The following OSMR variants were observed in gnomAD, a reference collection of about 807,000 sequenced individuals.
The protein encoded by OSMR is oncostatin M receptor.
OSMR carries 81 observed loss-of-function variants against 99.9 expected under a neutral mutation model. The observed-to-expected ratio is 0.81, with a 90% CI of 0.68 to 0.97. The LOEUF (loss-of-function observed/expected upper bound fraction) is 0.97, where lower values mean the gene tolerates loss of function less well. Among genes scored for constraint, OSMR ranks in the 50% least tolerant of loss-of-function variants. The pLI, the probability that OSMR is intolerant of heterozygous loss-of-function variation, is 0.00. For synonymous variants in OSMR, 406 were observed against 410.4 expected (o/e 0.99, Z 0.13); for missense variants, 1,099 against 1,153.4 (o/e 0.95, Z 0.68).
At position 38,873,359 on chromosome 5, in the gene OSMR, C is replaced by A. The variant is rs1579672324; in HGVS notation, c.74-2842C>A. Among the ~76,000 whole-genome samples the A allele has an allele frequency of 2.6e-5, 4 of 152,192 alleles. 1 individual carries two copies. In the South Asian group the frequency reaches 8.3e-4, roughly 32 times the overall value. Reference sequence around the variant, plus strand: ...CCACTGATGAAAGTTTCAGTTGTTTCCACCTCTTGGCTATTGTGAATAACG... The same window carrying A: ...CCACTGATGAAAGTTTCAGTTGTTTACACCTCTTGGCTATTGTGAATAACG... On this transcript the variant is annotated intron_variant, in intron 2 of 17. Coordinates refer to ENST00000274276, the MANE Select transcript of OSMR (RefSeq NM_003999.3).
At position 38,921,659 on chromosome 5, in the gene OSMR, T is replaced by A. The variant is rs1366320094; in HGVS notation, c.1630T>A (p.Ser544Thr). Residue 544 changes from serine to threonine, a missense_variant, in exon 12 of 18, where the codon TCT (serine) becomes ACT (threonine). Coordinates refer to ENST00000274276, the MANE Select transcript of OSMR (RefSeq NM_003999.3). ...ERIAGTEGGF[S>T]LSWKPQPGDV... is the part of the protein sequence containing the mutation. ...AATTGCAGGCACAGAGGGTGGATTC[T>A]CTCTGTCTTGGAAACCCCAACCTGG... The A allele has an allele frequency of 6.2e-7, 1 of 1,613,966 alleles. No homozygotes were observed. The highest frequency in any genetic ancestry group is 2.2e-5 in the East Asian group (1 of 44,900).
At chr5:38,930,930 G>A (rs1342536199) in intron 15 of OSMR, among the ~76,000 whole-genome samples, 1 of 69,090 alleles carries the variant, frequency 1.4e-5, no homozygotes, top group Non-Finnish European at 4.1e-5. Flanking sequence ...TTGTGTGTGT[G>A]TGTGTGTGTG....
chr5:38,869,023 C>G lies in OSMR; in HGVS notation c.-13-9C>G. 6.2e-7 allele frequency: 1 copy of G among 1,612,340 alleles called. No individual in the cohort carries two copies. Among genetic ancestry groups the G allele is most frequent in the African/African-American group, 1.3e-5 (1 of 74,952 alleles). ...TAAAATTTTCCTTCTTATAATTTAT[C>G]TTTTTCAGAAAACCAGAACTGATGG... On this transcript the variant is annotated splice_polypyrimidine_tract_variant and intron_variant, in intron 1 of 17. Coordinates refer to ENST00000274276, the MANE Select transcript of OSMR (RefSeq NM_003999.3).
intron 2 of OSMR, 60 bp from the exon 3 acceptor site, chr5:38,876,141 C>T: frequency 6.3e-7 from 1 of 1,585,900 alleles, no homozygotes. Context: ...TTAATTATTT[C>T]TGACTCTTCA....
At chr5:38,917,004 G>A (rs1745937767) in intron 9 of OSMR, among the ~76,000 whole-genome samples, 1 of 152,012 alleles carries the variant, frequency 6.6e-6, no homozygotes, top group African/African-American at 2.4e-5. Context: ...TCCACAGCAA[G>A]CAGGTGACCC....
chr5:38,855,197 A>G (rs1347383944), intron 1 of OSMR, among the ~76,000 whole-genome samples: 1 of 152,176 alleles, frequency 6.6e-6, no homozygotes, highest in Non-Finnish European at 1.5e-5. Flanking sequence ...GAGGGGCCAC[A>G]GTAGAGGGTG....
At position 38,909,565 on chromosome 5, in the gene OSMR, TG is replaced by T. The variant is rs1275359210; in HGVS notation, c.1285+5066del. Among the ~76,000 whole-genome samples the T allele has an allele frequency of 5.3e-5, 8 of 152,296 alleles. No individual in the cohort carries two copies. In the East Asian group the frequency reaches 1.5e-3, roughly 29 times the overall value. Reference sequence around the variant, plus strand: ...AGAAATGCTACAAGCCAAAAGAGATTGGGGCCTGTACTGAACATTCTTAAAA... The same window carrying T: ...AGAAATGCTACAAGCCAAAAGAGATTGGGCCTGTACTGAACATTCTTAAAA... On this transcript the variant is annotated intron_variant, in intron 9 of 17. Transcript: ENST00000274276.
At position 38,881,675 on chromosome 5, in the gene OSMR, A is replaced by C. The variant is rs768020747; in HGVS notation, c.329A>C (p.His110Pro). Residue 110 changes from histidine to proline, a missense_variant, in exon 4 of 18, where the codon CAC (histidine) becomes CCC (proline). Transcript: ENST00000274276. The part of the protein sequence containing the change: ...ESELPLECAT[H>P]FVRIKSLVDD... ...GAGCTCCCTTTGGAATGTGCCACAC[A>C]CTTTGTAAGAATAAAGAGTTTGGTG... The C allele has an allele frequency of 2.4e-5, 38 of 1,614,224 alleles. No homozygotes were observed. Among genetic ancestry groups the C allele is most frequent in the Non-Finnish European group, 3.2e-5 (38 of 1,180,042 alleles).
At chr5:38,881,558 C>T (rs551979411) in intron 3 of OSMR, 35 bp from the exon 4 acceptor site, 1 of 1,613,780 alleles carries the variant, frequency 6.2e-7, no homozygotes, top group Non-Finnish European at 8.5e-7. Flanking sequence ...GACAAGATGG[C>T]TATGTGTCTC....
rs1746082582 is a variant in OSMR at position 38,918,939 on chromosome 5, G to A, written c.1462G>A (p.Ala488Thr). ...CAGTTCAGAGCTCCATTCCATTCCA[G>A]CACCAGCCAACAGCACAAAACTAAT... is the stretch of plus-strand genomic sequence containing the variant. ...PSSSELHSIP[A>T]PANSTKLILD... The change falls in exon 11 of 18, where the codon GCA becomes ACA. Residue 488 changes from alanine (A) to threonine (T), a missense_variant. Coordinates refer to ENST00000274276, the MANE Select transcript of OSMR (RefSeq NM_003999.3). 4 of 1,614,054 alleles carry A rather than the reference G, an allele frequency of 2.5e-6. No individual in the cohort carries two copies. The highest frequency in any genetic ancestry group is 3.4e-6 in the Non-Finnish European group (4 of 1,179,970).
At chr5:38,943,901 G>T (rs1747886363) in intron 1 of OSMR, among the ~76,000 whole-genome samples, 1 of 151,980 alleles carries the variant, frequency 6.6e-6, no homozygotes, top group Non-Finnish European at 1.5e-5. Flanking sequence ...TAAATAATAA[G>T]AAAAAAATTA....
At chr5:38,849,298 A>T (rs1012474202) in intron 1 of OSMR, among the ~76,000 whole-genome samples, 1 of 152,214 alleles carries the variant, frequency 6.6e-6, no homozygotes, top group Non-Finnish European at 1.5e-5. Flanking sequence ...GAAGGTAACG[A>T]TGTAACTTAA....
intron 9 of OSMR, among the ~76,000 whole-genome samples, chr5:38,909,338 G>A (rs1160687388): frequency 6.6e-6 from 1 of 152,168 alleles, no homozygotes; most frequent in Non-Finnish European, 1.5e-5. Flanking sequence ...CACTGGAGAG[G>A]ACAACATTCA....
At position 38,904,472 on chromosome 5, in the gene OSMR, G is replaced by A; in HGVS notation, c.1254G>A (p.Trp418Ter). ...GCCACTTCTGGAAATGGAGTGAATGGAGTGGTCAGAACTTCACCACACTTG... is the reference window on the plus strand; with the variant it reads ...GCCACTTCTGGAAATGGAGTGAATGAAGTGGTCAGAACTTCACCACACTTG... Reference protein sequence around the residue: ...DASHFWKWSEWSGQNFTTLEA... With the variant: ...DASHFWKWSE Residue 418 changes from tryptophan to a stop codon, truncating the protein, a stop_gained, in exon 9 of 18, where the codon TGG becomes TGA. Transcript: ENST00000274276. LOFTEE classifies it high-confidence loss of function. The A allele has an allele frequency of 5.0e-6, 8 of 1,614,154 alleles. No individual in the cohort carries two copies. The highest frequency in any genetic ancestry group is 6.8e-6 in the Non-Finnish European group (8 of 1,180,040).
At chr5:38,930,081 G>A (rs997985566) in intron 15 of OSMR, among the ~76,000 whole-genome samples, 1 of 152,048 alleles carries the variant, frequency 6.6e-6, no homozygotes, top group African/African-American at 2.4e-5. Context: ...CATTATCTTT[G>A]GAGAAAGGCA....
chr5:38,864,540 G>GT (rs33918195), intron 1 of OSMR, among the ~76,000 whole-genome samples: 102,880 of 147,156 alleles, frequency 0.7, 36,006 homozygotes, highest in East Asian at 0.76. Flanking sequence ...CTTGCCTGAA[G>GT]TTTTTTTTTT....
intron 1 of OSMR, chr5:38,943,193 A>T (rs1747792301): frequency 4.9e-6 from 2 of 410,376 alleles, no homozygotes; most frequent in Non-Finnish European, 8.7e-6. Flanking sequence ...CAAAACCTGA[A>T]TACTTCTTGT....
At chr5:38,860,972 TGTCCTTGACTAATTCATAGACCCAATG>T (rs1262139066) in intron 1 of OSMR, among the ~76,000 whole-genome samples, 1 of 152,216 alleles carries the variant, frequency 6.6e-6, no homozygotes, top group Non-Finnish European at 1.5e-5. Flanking sequence ...ACATTTTTTA[TGTCCTTGACTAATTCATAGACCCAATG>T]GTCCTTCAGG....
intron 1 of OSMR, among the ~76,000 whole-genome samples, chr5:38,862,227 G>A (rs1414510248): frequency 1.3e-4 from 15 of 113,298 alleles, no homozygotes; most frequent in African/African-American, 2.8e-4. Context: ...CGGACGGGGC[G>A]GCTGGCTGGG....
Sources: allele counts gnomAD v4.1 joint callset (sites outside exome capture counted in the v4.1 genomes callset), GRCh38; gene constraint gnomAD v4.1.1; transcripts MANE v1.5; gene names NCBI Gene and HGNC (gene_info 2026-07-23, HGNC 2026-07-21).